Variants in CLVS1 observed in about 807,000 individuals in gnomAD.
CLVS1 encodes the protein clavesin 1.
CLVS1 carries 10 observed loss-of-function variants against 33.1 expected under a neutral mutation model. The ratio of observed to expected loss-of-function variants is 0.30; its 90% CI spans 0.19 to 0.51. The LOEUF is 0.51. Among genes scored for constraint, CLVS1 ranks in the 20% least tolerant of loss-of-function variants. The pLI, the probability that CLVS1 is intolerant of heterozygous loss-of-function variation, is 0.97. For missense variants in CLVS1, 343 were observed against 433.4 expected, an observed-to-expected ratio of 0.79 and a Z score of 1.85; for synonymous variants, 163 against 166.1, an observed-to-expected ratio of 0.98 and a Z score of 0.14.
At chr8:61,297,470 T>A (rs1234899767) in intron 1 of CLVS1, among the ~76,000 whole-genome samples, 1 of 152,104 alleles carries the variant, frequency 6.6e-6, no homozygotes, top group Non-Finnish European at 1.5e-5. Flanking sequence ...GGAATAATAG[T>A]TGACTCCCAG....
chr8:61,164,708 C>T (rs965410530), intron 2 of CLVS1, among the ~76,000 whole-genome samples: 10 of 152,184 alleles, frequency 6.6e-5, no homozygotes, highest in African/African-American at 2.2e-4. Flanking sequence ...CTTCTCCCCC[C>T]ACACACGAGG....
intron 3 of CLVS1, among the ~76,000 whole-genome samples, chr8:61,402,291 T>C (rs948224082): frequency 2.0e-5 from 3 of 151,964 alleles, no homozygotes; most frequent in African/African-American, 7.2e-5. Flanking sequence ...AAAAAAAAGA[T>C]GTGGGAAGCT....
chr8:61,325,388 AG>A (rs374136957), intron 2 of CLVS1, among the ~76,000 whole-genome samples: 35 of 152,300 alleles, frequency 2.3e-4, no homozygotes, highest in African/African-American at 8.4e-4. Context: ...TTTGCAGCTG[AG>A]TAGTGTTCTA....
chr8:61,177,595 C>T (rs903395488), intron 2 of CLVS1, among the ~76,000 whole-genome samples: 3 of 152,096 alleles, frequency 2.0e-5, no homozygotes, highest in East Asian at 1.9e-4. Context: ...ATCAAGTTGG[C>T]GCCCCTCAAG....
At chr8:61,384,511 G>A (rs1488888437) in intron 3 of CLVS1, among the ~76,000 whole-genome samples, 1 of 152,214 alleles carries the variant, frequency 6.6e-6, no homozygotes, top group East Asian at 1.9e-4. Context: ...TGCGTGGGAA[G>A]TGGTGGAGGA....
intron 2 of CLVS1, among the ~76,000 whole-genome samples, chr8:61,203,674 C>A (rs1180496892): frequency 1.3e-5 from 2 of 152,180 alleles, no homozygotes; most frequent in Non-Finnish European, 2.9e-5. Flanking sequence ...ATGTCCCATG[C>A]AGGTCAAGCT....
At chr8:61,221,028 T>G (rs2931342) in intron 2 of CLVS1, among the ~76,000 whole-genome samples, 73,184 of 151,952 alleles carry the variant, frequency 0.48, 18,428 homozygotes, top group East Asian at 0.82. Context: ...TTTGCACATT[T>G]ATTTTGTATC....
intron 2 of CLVS1, among the ~76,000 whole-genome samples, chr8:61,230,403 T>C (rs751689356): frequency 6.6e-6 from 1 of 152,164 alleles, no homozygotes; most frequent in Non-Finnish European, 1.5e-5. Flanking sequence ...TGAGCTTCAG[T>C]GGTCTCATCT....
chr8:61,221,365 C>A (rs1024237440), intron 2 of CLVS1, among the ~76,000 whole-genome samples: 2 of 152,136 alleles, frequency 1.3e-5, no homozygotes, highest in Admixed American at 6.5e-5. Context: ...TCCATCAATA[C>A]CTAGTCCATT....
chr8:61,437,019 G>C (rs1816354380), intron 3 of CLVS1, among the ~76,000 whole-genome samples: 1 of 152,206 alleles, frequency 6.6e-6, no homozygotes, highest in Non-Finnish European at 1.5e-5. Context: ...CAGGGGAAAT[G>C]AATGAGCCCA....
At chr8:61,202,825 G>T (rs1287688333) in intron 2 of CLVS1, 5 of 1,115,948 alleles carry the variant, frequency 4.5e-6, no homozygotes, top group Non-Finnish European at 6.7e-6. Context: ...AGTAAAACTT[G>T]CTGCTGATGA....
At chr8:61,235,175 G>C (rs1355140282) in intron 2 of CLVS1, among the ~76,000 whole-genome samples, 7 of 152,128 alleles carry the variant, frequency 4.6e-5, no homozygotes, top group African/African-American at 1.7e-4. Flanking sequence ...AGATTGTGGA[G>C]TAAAGACTTC....
intron 2 of CLVS1, among the ~76,000 whole-genome samples, chr8:61,267,496 T>G (rs1185601910): frequency 6.6e-6 from 1 of 152,214 alleles, no homozygotes; most frequent in Non-Finnish European, 1.5e-5. Flanking sequence ...TCAGTCACAT[T>G]TAGCCTCTGT....
At chr8:61,365,523 A>G (rs994479510) in intron 2 of CLVS1, among the ~76,000 whole-genome samples, 22 of 115,612 alleles carry the variant, frequency 1.9e-4, no homozygotes, top group Admixed American at 1.2e-3. Flanking sequence ...GTGAAACACC[A>G]TGTCAAAAAA....
intron 2 of CLVS1, among the ~76,000 whole-genome samples, chr8:61,226,223 C>T (rs954015827): frequency 1.3e-5 from 2 of 151,994 alleles, no homozygotes; most frequent in Non-Finnish European, 2.9e-5. Flanking sequence ...GCTCCAGAAA[C>T]AAAAAAGCAC....
chr8:61,113,512 C>T (rs1043359094), intron 1 of CLVS1, among the ~76,000 whole-genome samples: 1 of 152,212 alleles, frequency 6.6e-6, no homozygotes, highest in East Asian at 1.9e-4. Flanking sequence ...GGTAATACAT[C>T]TGCAGGAAGC....
At chr8:61,090,048 C>T (rs1805205650) in intron 1 of CLVS1, among the ~76,000 whole-genome samples, 1 of 152,196 alleles carries the variant, frequency 6.6e-6, no homozygotes, top group Non-Finnish European at 1.5e-5. Flanking sequence ...ATTTGAGCAG[C>T]CCCCTCCTTT....
intron 3 of CLVS1, among the ~76,000 whole-genome samples, chr8:61,399,701 T>C (rs2129603483): frequency 6.6e-6 from 1 of 152,352 alleles, no homozygotes; most frequent in African/African-American, 2.4e-5. Context: ...CATCTTGAGT[T>C]GATTTTTGTA....
At chr8:61,366,189 T>C (rs1282979847) in intron 2 of CLVS1, among the ~76,000 whole-genome samples, 4 of 152,182 alleles carry the variant, frequency 2.6e-5, no homozygotes, top group Non-Finnish European at 5.9e-5. Context: ...CCTGGTGCAA[T>C]CTCTATCCAG....
Sources: gnomAD v4.1 joint callset for allele counts (sites outside exome capture counted in the v4.1 genomes callset) on GRCh38, gnomAD v4.1.1 for gene constraint, MANE v1.5 for transcripts, NCBI Gene and HGNC (gene_info 2026-07-23, HGNC 2026-07-21) for gene names.